Variants in PHF21A observed in about 807,000 individuals in gnomAD.
The protein encoded by PHF21A is BHC80a.
A neutral mutation model predicts 82.5 loss-of-function variants in PHF21A; 11 were observed. The ratio of observed to expected loss-of-function variants is 0.13; its 90% CI spans 0.08 to 0.22. PHF21A has a LOEUF of 0.22. PHF21A is among the 10% of genes least tolerant of loss of function. The probability of loss-of-function intolerance (pLI) is 1.00; values close to 1 mark genes in which losing one functional copy is unlikely to be tolerated. For synonymous variants in PHF21A, 297 were observed against 302.8 expected (o/e 0.98, Z 0.20); for missense variants, 579 against 837.8 (o/e 0.69, Z 3.81).
chr11:46,066,894 C>T (rs1276679526), intron 6 of PHF21A, among the ~76,000 whole-genome samples: 2 of 152,142 alleles, frequency 1.3e-5, no homozygotes, highest in Non-Finnish European at 2.9e-5. Context: ...TGCATAAATA[C>T]AAACACAGTT....
chr11:45,992,972 G>A (rs1365624084), intron 6 of PHF21A, among the ~76,000 whole-genome samples: 1 of 152,208 alleles, frequency 6.6e-6, no homozygotes, highest in Non-Finnish European at 1.5e-5. Context: ...GAGCTGTAGA[G>A]TAGAGGTCAG....
chr11:46,017,462 T>C (rs949610756), intron 6 of PHF21A, among the ~76,000 whole-genome samples: 5 of 152,094 alleles, frequency 3.3e-5, no homozygotes, highest in African/African-American at 1.2e-4. Context: ...TTGCTTTGGG[T>C]GTGTGGACTG....
In PHF21A at chr11:45,965,410, T is replaced by C; in HGVS notation, c.901A>G (p.Met301Val). The C allele has an allele frequency of 1.9e-6, 3 of 1,613,996 alleles. No individual in the cohort carries two copies. The stretch of plus-strand genomic sequence containing the variant: ...ATCACAATGCTGGTGAGCTGGGCCA[T>C]GGGGAACGTTTTGGCTATGGTTGCA... ...QTATIAKTFP[M>V]AQLTSIVIAT... The change falls in exon 10 of 19, where the codon ATG becomes GTG. Residue 301 changes from methionine (M) to valine (V), a missense_variant. By Grantham distance (21) the Met-to-Val change is conservative (BLOSUM62 1). This residue lies in a region of PHF21A where 410 missense variants were observed against 642.1 expected (regional missense o/e 0.64). Transcript: ENST00000676320.
At position 45,944,146 on chromosome 11, in the gene PHF21A, A is replaced by G. The variant is rs528974607; in HGVS notation, c.1452+1694T>C. Among the ~76,000 whole-genome samples, 4 of 152,310 alleles carry G rather than the reference A, an allele frequency of 2.6e-5. No homozygotes were observed. The East Asian group carries it at 7.7e-4, about 29-fold the overall frequency. ...GACAAATGGAGCAATCTGAATATGG[A>G]CTGTATATTTTATATAGTAATATTT... On this transcript the variant is annotated intron_variant, in intron 15 of 18. Transcript: ENST00000676320.
rs2095659435 is a variant in PHF21A at position 46,022,896 on chromosome 11, G to A, written c.154-42930C>T. On this transcript the variant is annotated intron_variant, in intron 6 of 18. Coordinates refer to ENST00000676320, the MANE Select transcript of PHF21A (RefSeq NM_001352027.3). ...CTCCTGAGTAGCTGGGATTACAAGTGTGCACCACCACACTTGGGTAATTTT... is the reference window on the plus strand; with the variant it reads ...CTCCTGAGTAGCTGGGATTACAAGTATGCACCACCACACTTGGGTAATTTT... 2.0e-5 allele frequency among the ~76,000 whole-genome samples: 3 copies of A among 152,046 alleles called. 1 individual carries two copies. In the South Asian group the frequency reaches 6.2e-4, roughly 32 times the overall value.
chr11:46,111,445 C>T (rs2097213044), intron 1 of PHF21A, among the ~76,000 whole-genome samples: 1 of 152,024 alleles, frequency 6.6e-6, no homozygotes, highest in Non-Finnish European at 1.5e-5. Context: ...ACTCCATATC[C>T]AGCCTGGGCA....
intron 6 of PHF21A, among the ~76,000 whole-genome samples, chr11:45,996,745 A>G (rs543067136): frequency 6.6e-6 from 1 of 152,366 alleles, no homozygotes; most frequent in Non-Finnish European, 1.5e-5. Context: ...AAAGGTAGCT[A>G]TATTTATAAC....
At chr11:46,011,435 T>C (rs889930097) in intron 6 of PHF21A, among the ~76,000 whole-genome samples, 9 of 152,074 alleles carry the variant, frequency 5.9e-5, no homozygotes, top group Non-Finnish European at 1.2e-4. Flanking sequence ...GTTGCAGCAG[T>C]GAGCGGAGAT....
intron 1 of PHF21A, chr11:46,117,037 T>C (rs1234198312): frequency 6.6e-6 from 1 of 152,170 alleles, no homozygotes; most frequent in Non-Finnish European, 1.5e-5. Flanking sequence ...TCAACTGATA[T>C]GGAAAAAGTT....
intron 15 of PHF21A, among the ~76,000 whole-genome samples, chr11:45,942,444 C>T (rs2090529009): frequency 6.6e-6 from 1 of 152,220 alleles, no homozygotes; most frequent in Admixed American, 6.5e-5. Context: ...GGCCAATGAG[C>T]TGGTGATCCT....
intron 10 of PHF21A, among the ~76,000 whole-genome samples, chr11:45,961,340 T>C (rs1039050565): frequency 2.0e-5 from 3 of 152,204 alleles, no homozygotes; most frequent in Admixed American, 1.3e-4. Context: ...ATAATTTCGT[T>C]AGTCAAGGTT....
chr11:46,084,016 C>A, intron 4 of PHF21A, 150 bp downstream of exon 4: 1 of 507,568 alleles, frequency 2.0e-6, no homozygotes, highest in Non-Finnish European at 3.4e-6. Context: ...ATGACTTTGT[C>A]GAGTAGTGGT....
chr11:45,933,796 G>T lies in PHF21A; in HGVS notation c.*172C>A. 1.8e-6 allele frequency: 1 copy of T among 569,562 alleles called. No individual in the cohort carries two copies. 35.3% of individuals were successfully genotyped at this position (569,562 alleles called of 1,614,324 possible). A position where few individuals can be genotyped will look rare whatever the true frequency, so the allele number is the denominator to read the frequency against. On this transcript the variant is annotated 3_prime_UTR_variant, in exon 19 of 19. Transcript: ENST00000676320. ...TTGCATGTACACACAGAATAAGAAG[G>T]ATCAATTGGCAAACTCTGGTGCCAC... is the stretch of plus-strand genomic sequence containing the variant.
Position 45,965,566 on chromosome 11 carries a change from G to A in PHF21A, c.745C>T (p.Pro249Ser). The change falls in exon 10 of 19, where the codon CCA becomes TCA. Residue 249 changes from proline to serine, a missense_variant. Pro to Ser is a moderately conservative substitution (Grantham distance 74, BLOSUM62 -1). This residue lies in a region of PHF21A where 410 missense variants were observed against 642.1 expected (regional missense o/e 0.64). Coordinates refer to ENST00000676320, the MANE Select transcript of PHF21A (RefSeq NM_001352027.3). Reference protein sequence around the residue: ...PVAQNNIPIAPAPPPMLAAPQ... With the variant: ...PVAQNNIPIASAPPPMLAAPQ... ...GCTGCGAGCATGGGAGGTGGTGCTG[G>A]GGCAATAGGAATGTTATTCTGGGCC... 6.3e-7 allele frequency: 1 copy of A among 1,578,766 alleles called. No individual in the cohort carries two copies. The highest frequency in any genetic ancestry group is 8.6e-7 in the Non-Finnish European group (1 of 1,160,468).
intron 4 of PHF21A, among the ~76,000 whole-genome samples, chr11:46,083,112 C>T (rs148510705): frequency 0.011 from 1,727 of 151,634 alleles, 15 homozygotes; most frequent in Middle Eastern, 0.02. Context: ...CAGAAAAAGA[C>T]GAGCTTGTTT....
chr11:46,052,335 A>T (rs2096380850), intron 6 of PHF21A, among the ~76,000 whole-genome samples: 1 of 152,188 alleles, frequency 6.6e-6, no homozygotes, highest in African/African-American at 2.4e-5. Context: ...TCCTAAATCC[A>T]TCCATGCCTG....
chr11:46,074,077 C>T lies in PHF21A; in HGVS notation c.153+2677G>A, dbSNP rs568830188. Among the ~76,000 whole-genome samples, 3 of 151,436 alleles carry T rather than the reference C, an allele frequency of 2.0e-5. No homozygotes were observed. The South Asian group carries it at 6.3e-4, about 32-fold the overall frequency. On this transcript the variant is annotated intron_variant, in intron 6 of 18. Transcript: ENST00000676320. ...GGCAACAGTGAATAAGAACTAGTGT[C>T]TACCGCAAGAAATAGTGACTATCTG...
chr11:46,092,459 AAAGT>A (rs1209137737), intron 1 of PHF21A, among the ~76,000 whole-genome samples: 13 of 152,324 alleles, frequency 8.5e-5, no homozygotes, highest in Non-Finnish European at 1.9e-4. Context: ...AAGACAAGCA[AAAGT>A]AAGTAGTTGA....
At chr11:46,049,628 T>G (rs947434858) in intron 6 of PHF21A, 1 of 378,648 alleles carries the variant, frequency 2.6e-6, no homozygotes, top group Non-Finnish European at 5.2e-6. Context: ...GTCACAGCAC[T>G]CTCCTTGCTG....
Sources: allele counts gnomAD v4.1 joint callset (sites outside exome capture counted in the v4.1 genomes callset), GRCh38; gene constraint gnomAD v4.1.1; regional missense constraint gnomAD v4.1.1; transcripts MANE v1.5; gene names NCBI Gene and HGNC (gene_info 2026-07-23, HGNC 2026-07-21).